Variants in CALN1 observed in about 807,000 individuals in gnomAD.
The protein encoded by CALN1 is calneuron 1, also known as calcium-binding protein 8.
A neutral mutation model predicts 30.6 loss-of-function variants in CALN1; 17 were observed. That is an observed-to-expected ratio of 0.56 (90% CI 0.38 to 0.83). CALN1 has a LOEUF of 0.83. Among genes scored for constraint, CALN1 ranks in the 40% least tolerant of loss-of-function variants. The pLI is 0.00. For synonymous variants in CALN1, 156 were observed against 131.4 expected, an observed-to-expected ratio of 1.19 and a Z score of -1.28; for missense variants, 291 against 354.9, an observed-to-expected ratio of 0.82 and a Z score of 1.45.
intron 3 of CALN1, among the ~76,000 whole-genome samples, chr7:72,113,712 A>G (rs1259701430): frequency 2.0e-5 from 3 of 152,256 alleles, no homozygotes; most frequent in African/African-American, 7.2e-5. Context: ...GTGCTATACC[A>G]GCAGAATGGA....
At chr7:72,392,727 G>C (rs1805654236) in intron 2 of CALN1, among the ~76,000 whole-genome samples, 1 of 152,110 alleles carries the variant, frequency 6.6e-6, no homozygotes, top group Non-Finnish European at 1.5e-5. Context: ...TGTAATCCCA[G>C]CAGTTTGGGA....
intron 5 of CALN1, among the ~76,000 whole-genome samples, chr7:71,965,313 G>C (rs563503749): frequency 3.9e-5 from 6 of 152,140 alleles, no homozygotes; most frequent in African/African-American, 1.4e-4. Flanking sequence ...TGACAGGTGT[G>C]AGCCACCATG....
chr7:72,317,215 G>C (rs185551754), intron 2 of CALN1, among the ~76,000 whole-genome samples: 2,387 of 132,508 alleles, frequency 0.018, 29 homozygotes, highest in Non-Finnish European at 0.026. Flanking sequence ...GAGGGAGGAA[G>C]AGAGAAAGAA....
chr7:71,831,886 A>C (rs1163415423), intron 5 of CALN1, among the ~76,000 whole-genome samples: 1 of 149,910 alleles, frequency 6.7e-6, no homozygotes, highest in East Asian at 2.0e-4. Flanking sequence ...AAAAAAAAAA[A>C]AAAAAAAAAA....
intron 5 of CALN1, among the ~76,000 whole-genome samples, chr7:71,881,477 C>A (rs148122824): frequency 2.0e-5 from 3 of 152,190 alleles, no homozygotes; most frequent in Non-Finnish European, 2.9e-5. Flanking sequence ...CTCATTGTCC[C>A]ATCATCACTT....
Position 72,147,485 on chromosome 7 carries a change from GT to G in CALN1, c.245-41192del, listed in dbSNP as rs1464493051. Among the ~76,000 whole-genome samples, 2 of 88,816 alleles carry G rather than the reference GT, an allele frequency of 2.3e-5. 1 individual carries two copies. Among genetic ancestry groups the G allele is most frequent in the Non-Finnish European group, 5.4e-5 (2 of 37,080 alleles). The allele number at this position is 88,816 out of a possible 152,430, so 58.3% of individuals were successfully genotyped here. A position where few individuals can be genotyped will look rare whatever the true frequency, so the allele number is the denominator to read the frequency against. ...GAAACAACAGGTGTTGGAGAGGACTGTTACACTGTTGGTGGGACTGTAAACT... is the reference window on the plus strand; with the variant it reads ...GAAACAACAGGTGTTGGAGAGGACTGTACACTGTTGGTGGGACTGTAAACT... On this transcript the variant is annotated intron_variant, in intron 3 of 6. Transcript: ENST00000395275.
the CALN1 span, among the ~76,000 whole-genome samples, chr7:72,497,012 C>T: frequency 2.6e-5 from 4 of 152,250 alleles, no homozygotes; most frequent in East Asian, 1.9e-4. Context: ...TATGTAAGTA[C>T]GCTCTCAAAT....
At chr7:71,968,562 C>T (rs983308533) in intron 5 of CALN1, among the ~76,000 whole-genome samples, 1 of 152,040 alleles carries the variant, frequency 6.6e-6, no homozygotes. Context: ...TCCCAAGAGG[C>T]TGGGATTACA....
intron 2 of CALN1, among the ~76,000 whole-genome samples, chr7:72,377,595 T>C (rs928832553): frequency 1.3e-5 from 2 of 152,102 alleles, no homozygotes; most frequent in African/African-American, 4.8e-5. Flanking sequence ...TTTTAGTTAT[T>C]GTTTGTTTGT....
In CALN1 at chr7:71,780,128, T is replaced by C. The variant is rs1347409374; in HGVS notation, c.*7647A>G. ...AAAGTCATTGTTTTTGGTTGGTCCTTGGAGAAAAAGCTTCTTCCTGGATTC... is the reference window on the plus strand; with the variant it reads ...AAAGTCATTGTTTTTGGTTGGTCCTCGGAGAAAAAGCTTCTTCCTGGATTC... On this transcript the variant is annotated 3_prime_UTR_variant, in exon 7 of 7. Transcript: ENST00000395275. The C allele has an allele frequency of 6.6e-6, 1 of 152,160 alleles. No individual in the cohort carries two copies. Among genetic ancestry groups the C allele is most frequent in the East Asian group, 1.9e-4 (1 of 5,196 alleles). 9.4% of individuals were successfully genotyped at this position (152,160 alleles called of 1,614,324 possible). A position where few individuals can be genotyped will look rare whatever the true frequency, so the allele number is the denominator to read the frequency against.
chr7:72,405,331 G>C (rs1023937186), intron 1 of CALN1, among the ~76,000 whole-genome samples: 3 of 152,250 alleles, frequency 2.0e-5, no homozygotes, highest in Non-Finnish European at 2.9e-5. Flanking sequence ...CGTGCTCACA[G>C]ACCAGCCTTG....
chr7:71,850,966 G>A (rs1437401306), intron 5 of CALN1, among the ~76,000 whole-genome samples: 2 of 152,148 alleles, frequency 1.3e-5, no homozygotes, highest in Non-Finnish European at 2.9e-5. Flanking sequence ...TAATCCCAGA[G>A]CATTGGGAGA....
At chr7:72,312,909 A>C (rs1800150460) in intron 2 of CALN1, among the ~76,000 whole-genome samples, 1 of 151,866 alleles carries the variant, frequency 6.6e-6, no homozygotes, top group African/African-American at 2.4e-5. Context: ...ATCTCGGCTC[A>C]CTGCAACCTC....
chr7:72,465,642 C>T, the CALN1 span, among the ~76,000 whole-genome samples: 13 of 152,226 alleles, frequency 8.5e-5, no homozygotes, highest in Non-Finnish European at 1.9e-4. Context: ...AGAGACAAGA[C>T]ACTCTTCCAT....
chr7:72,094,203 G>A (rs1806063653), intron 4 of CALN1, among the ~76,000 whole-genome samples: 1 of 152,184 alleles, frequency 6.6e-6, no homozygotes, highest in African/African-American at 2.4e-5. Flanking sequence ...GACTCTAGGT[G>A]TTAAATCAAA....
At chr7:72,362,482 A>ATCTGG in intron 2 of CALN1, among the ~76,000 whole-genome samples, 1 of 152,290 alleles carries the variant, frequency 6.6e-6, no homozygotes, top group African/African-American at 2.4e-5. Context: ...TCAAAGCCTC[A>ATCTGG]TCTGGTCTGG....
At chr7:72,227,063 G>A (rs1793733272) in intron 3 of CALN1, among the ~76,000 whole-genome samples, 2 of 151,792 alleles carry the variant, frequency 1.3e-5, no homozygotes, top group Non-Finnish European at 2.9e-5. Flanking sequence ...GTAAAGATGG[G>A]AACAATAGAC....
At chr7:72,247,285 G>T (rs1417080507) in intron 3 of CALN1, among the ~76,000 whole-genome samples, 1 of 110,076 alleles carries the variant, frequency 9.1e-6, no homozygotes, top group East Asian at 3.0e-4. Context: ...GTCTCACTCT[G>T]TCACCCAGGC....
intron 5 of CALN1, among the ~76,000 whole-genome samples, chr7:71,928,004 G>A (rs1185110740): frequency 6.6e-6 from 1 of 152,138 alleles, no homozygotes; most frequent in African/African-American, 2.4e-5. Context: ...GTGACCACAA[G>A]GTTTGCTCCC....
Sources: allele counts gnomAD v4.1 joint callset (sites outside exome capture counted in the v4.1 genomes callset), GRCh38; gene constraint gnomAD v4.1.1; transcripts MANE v1.5; gene names NCBI Gene and HGNC (gene_info 2026-07-23, HGNC 2026-07-21).